CAMTA1: variants seen among roughly 807,000 people sequenced by gnomAD.
The protein encoded by CAMTA1 is calmodulin binding transcription activator 1, also known as calmodulin-binding transcription activator 1.
In CAMTA1, 27 loss-of-function variants were observed where a neutral mutation model predicts 170.9. The observed-to-expected ratio is 0.16, with a 90% CI of 0.12 to 0.22. CAMTA1 has a LOEUF of 0.22. CAMTA1 is among the 10% of genes least tolerant of loss of function. The probability of loss-of-function intolerance (pLI) is 1.00; values close to 1 mark genes in which losing one functional copy is unlikely to be tolerated. For missense variants in CAMTA1, 1,619 were observed against 2,217.2 expected (o/e 0.73, Z 5.42); for synonymous variants, 833 against 891.5 (o/e 0.93, Z 1.17).
intron 4 of CAMTA1, among the ~76,000 whole-genome samples, chr1:7,105,006 T>C (rs1187893862): frequency 6.6e-6 from 1 of 152,256 alleles, no homozygotes; most frequent in Admixed American, 6.5e-5. Context: ...TAACCCCATC[T>C]ATCCCATCAG....
intron 12 of CAMTA1, among the ~76,000 whole-genome samples, chr1:7,734,112 T>G (rs1040864437): frequency 3.3e-5 from 5 of 152,136 alleles, no homozygotes; most frequent in African/African-American, 1.2e-4. Flanking sequence ...CACGCCTGGC[T>G]AATTTTGTAT....
intron 4 of CAMTA1, among the ~76,000 whole-genome samples, chr1:7,174,776 G>A (rs879320388): frequency 2.6e-5 from 4 of 152,212 alleles, no homozygotes; most frequent in Non-Finnish European, 5.9e-5. Context: ...TTCTAGGGAG[G>A]CAGGAGAAGC....
At chr1:7,276,303 A>ATATATATATATTTTTTTTTTTTTTTTT in intron 5 of CAMTA1, among the ~76,000 whole-genome samples, 2 of 24,230 alleles carry the variant, frequency 8.3e-5, no homozygotes, top group Non-Finnish European at 1.2e-4. Flanking sequence ...ATATATATAT[A>ATATATATATATTTTTTTTTTTTTTTTT]TTTTTTTTTT....
intron 22 of CAMTA1, among the ~76,000 whole-genome samples, chr1:7,763,150 A>G (rs1428456779): frequency 6.6e-6 from 1 of 152,208 alleles, no homozygotes; most frequent in Non-Finnish European, 1.5e-5. Context: ...TGCATTTACA[A>G]ATTGGAGCTA....
chr1:7,373,400 C>T (rs1042779175), intron 5 of CAMTA1, among the ~76,000 whole-genome samples: 1 of 152,234 alleles, frequency 6.6e-6, no homozygotes, highest in African/African-American at 2.4e-5. Context: ...TTGGCTGCGA[C>T]TGAATGAAGT....
At chr1:7,339,875 G>C (rs1325178574) in intron 5 of CAMTA1, among the ~76,000 whole-genome samples, 1 of 152,178 alleles carries the variant, frequency 6.6e-6, no homozygotes, top group East Asian at 1.9e-4. Flanking sequence ...GGGATTACAG[G>C]CATAAACCAC....
At chr1:7,752,399 G>A (rs974617015) in intron 20 of CAMTA1, 60 bp from the exon 21 acceptor site, 19 of 1,462,754 alleles carry the variant, frequency 1.3e-5, no homozygotes, top group Non-Finnish European at 1.7e-5. Context: ...CTGCTGACCA[G>A]TTTTCCATAT....
At chr1:7,686,356 T>G (rs2096257715) in intron 11 of CAMTA1, among the ~76,000 whole-genome samples, 1 of 152,070 alleles carries the variant, frequency 6.6e-6, no homozygotes, top group African/African-American at 2.4e-5. Flanking sequence ...GAAGGTGATA[T>G]TCAAGCTGGG....
intron 3 of CAMTA1, among the ~76,000 whole-genome samples, chr1:6,995,139 G>C (rs749024684): frequency 4.6e-5 from 7 of 151,212 alleles, no homozygotes; most frequent in Non-Finnish European, 7.4e-5. Context: ...AATCACCAAG[G>C]CTTGTTCATG....
chr1:7,541,195 TCACGTTTTGACG>T (rs916411665), intron 6 of CAMTA1, among the ~76,000 whole-genome samples: 3 of 152,232 alleles, frequency 2.0e-5, no homozygotes, highest in Non-Finnish European at 4.4e-5. Context: ...CTCCATGTCC[TCACGTTTTGACG>T]CTTTGGGATT....
intron 6 of CAMTA1, among the ~76,000 whole-genome samples, chr1:7,558,733 C>T (rs888007429): frequency 3.9e-5 from 6 of 152,214 alleles, no homozygotes; most frequent in Non-Finnish European, 8.8e-5. Flanking sequence ...CCTGTGTCTG[C>T]AGCCCCAGGC....
intron 3 of CAMTA1, among the ~76,000 whole-genome samples, chr1:6,960,074 T>G (rs995553890): frequency 6.6e-6 from 1 of 152,238 alleles, no homozygotes; most frequent in African/African-American, 2.4e-5. Flanking sequence ...ACCAGGTAGT[T>G]GGTGGCAGAG....
chr1:6,842,924 C>CAA (rs532107406), intron 3 of CAMTA1, among the ~76,000 whole-genome samples: 1 of 128,212 alleles, frequency 7.8e-6, no homozygotes, highest in African/African-American at 2.9e-5. Flanking sequence ...GTCTCCATCT[C>CAA]AAAAAAAAAA....
chr1:7,360,075 A>G (rs1483651370), intron 5 of CAMTA1, among the ~76,000 whole-genome samples: 1 of 152,064 alleles, frequency 6.6e-6, no homozygotes, highest in Non-Finnish European at 1.5e-5. Context: ...CTTCATCTTC[A>G]CGTGGCATTC....
intron 11 of CAMTA1, among the ~76,000 whole-genome samples, chr1:7,721,347 C>T (rs994036933): frequency 1.3e-5 from 2 of 152,190 alleles, no homozygotes; most frequent in Non-Finnish European, 2.9e-5. Flanking sequence ...TCAGCTTCCT[C>T]ATCCGAAAAT....
intron 3 of CAMTA1, among the ~76,000 whole-genome samples, chr1:6,910,251 A>G (rs1256232780): frequency 6.6e-6 from 1 of 152,224 alleles, no homozygotes. Context: ...CACTATTCAG[A>G]TGATTCCAAA....
intron 6 of CAMTA1, among the ~76,000 whole-genome samples, chr1:7,531,529 G>GTCCAGGAAGGAGATC (rs1466378839): frequency 6.6e-6 from 1 of 152,210 alleles, no homozygotes; most frequent in Non-Finnish European, 1.5e-5. Context: ...GGAACCCCAA[G>GTCCAGGAAGGAGATC]TCCAGGAAGG....
chr1:7,562,108 C>A lies in CAMTA1; in HGVS notation c.511-78292C>A, dbSNP rs952446721. 6.6e-5 allele frequency among the ~76,000 whole-genome samples: 10 copies of A among 152,110 alleles called. No individual in the cohort carries two copies. The highest frequency in any genetic ancestry group is 2.4e-4 in the African/African-American group (10 of 41,422). On this transcript the variant is annotated intron_variant, in intron 6 of 22. Coordinates refer to ENST00000303635, the MANE Select transcript of CAMTA1 (RefSeq NM_015215.4). This position sits in a 1 kb window ranked among gnomAD's most constrained non-coding sequence, Gnocchi z 4.8. Reference sequence around the variant, plus strand: ...GTGCCCCAGGAAAAGCCAGGCCAGGCGTGCCTATCTCCTGCCAGCCTCACT... The same window carrying A: ...GTGCCCCAGGAAAAGCCAGGCCAGGAGTGCCTATCTCCTGCCAGCCTCACT...
chr1:7,211,385 T>C (rs991265302), intron 4 of CAMTA1, among the ~76,000 whole-genome samples: 1 of 152,228 alleles, frequency 6.6e-6, no homozygotes, highest in African/African-American at 2.4e-5. Flanking sequence ...TCTTTCATGT[T>C]TCTTTCTAAC....
Sources: gnomAD v4.1 joint callset for allele counts (sites outside exome capture counted in the v4.1 genomes callset) on GRCh38, gnomAD v4.1.1 for gene constraint, Gnocchi (gnomAD v3.1) non-coding constraint, MANE v1.5 for transcripts, NCBI Gene and HGNC (gene_info 2026-07-23, HGNC 2026-07-21) for gene names.